HDAC9: variants seen among roughly 807,000 people sequenced by gnomAD.
HDAC9 encodes histone deacetylase 9, also known as MEF-2 interacting transcription repressor (MITR) protein.
A neutral mutation model predicts 139.4 loss-of-function variants in HDAC9; 41 were observed. The ratio of observed to expected loss-of-function variants is 0.29; its 90% CI spans 0.23 to 0.38. HDAC9 has a LOEUF of 0.38. Among genes scored for constraint, HDAC9 ranks in the 10% least tolerant of loss-of-function variants. The pLI, the probability that HDAC9 is intolerant of heterozygous loss-of-function variation, is 1.00. For missense variants in HDAC9, 1,147 were observed against 1,297.0 expected, an observed-to-expected ratio of 0.88 and a Z score of 1.78; for synonymous variants, 517 against 476.2, an observed-to-expected ratio of 1.09 and a Z score of -1.12.
chr7:18,323,253 C>G (rs1343816916), intron 1 of HDAC9, among the ~76,000 whole-genome samples: 2 of 152,152 alleles, frequency 1.3e-5, no homozygotes, highest in Non-Finnish European at 2.9e-5. Context: ...GAAAATATAT[C>G]TAGACCCACG....
At chr7:18,384,204 G>T (rs572815101) in intron 1 of HDAC9, among the ~76,000 whole-genome samples, 1 of 152,150 alleles carries the variant, frequency 6.6e-6, no homozygotes, top group East Asian at 1.9e-4. Flanking sequence ...CCAGGTACTT[G>T]GGAGGCTGAG....
chr7:18,560,535 T>C (rs951532036), intron 2 of HDAC9, among the ~76,000 whole-genome samples: 54 of 152,142 alleles, frequency 3.5e-4, no homozygotes, highest in Admixed American at 3.5e-3. Flanking sequence ...GTGTAAAGTG[T>C]GCCTGTTGTG....
chr7:18,597,276 G>A (rs535868122), intron 6 of HDAC9, among the ~76,000 whole-genome samples: 1 of 152,166 alleles, frequency 6.6e-6, no homozygotes, highest in South Asian at 2.1e-4. Flanking sequence ...ATTTTGAAGT[G>A]GAAAATAACA....
intron 2 of HDAC9, among the ~76,000 whole-genome samples, chr7:18,177,959 C>G (rs944795343): frequency 6.7e-5 from 10 of 148,790 alleles, no homozygotes; most frequent in African/African-American, 2.6e-4. Flanking sequence ...TGTCATGAAT[C>G]ATATCCCTTT....
At chr7:18,535,722 C>CAAAAAAAA (rs72123660) in intron 2 of HDAC9, among the ~76,000 whole-genome samples, 2 of 49,232 alleles carry the variant, frequency 4.1e-5, no homozygotes, top group Non-Finnish European at 3.5e-5. Context: ...AGGCATTAAG[C>CAAAAAAAA]AAAAAAAAAA....
At position 18,590,480 on chromosome 7, in the gene HDAC9, C is replaced by T; in HGVS notation, c.409C>T (p.Arg137Ter). Residue 137 changes from arginine to a stop codon, truncating the protein, a stop_gained, in exon 4 of 26, where the codon CGA becomes TGA. Coordinates refer to ENST00000686413, the MANE Select transcript of HDAC9 (RefSeq NM_178425.4). LOFTEE classifies it high-confidence loss of function. ...TCCTCTCAGAGGCAAAGATAGAGGA[C>T]GAGAAAGTAAGAGGCACCAGGGTAA... ...LPPLRGKDRG[R>*]ERAVASTEVK... 2 of 1,595,266 alleles carry T rather than the reference C, an allele frequency of 1.3e-6. No homozygotes were observed. Among genetic ancestry groups the T allele is most frequent in the Admixed American group, 1.8e-5 (1 of 57,126 alleles).
intron 24 of HDAC9, among the ~76,000 whole-genome samples, chr7:18,971,208 A>G (rs761037596): frequency 5.9e-5 from 9 of 152,336 alleles, no homozygotes; most frequent in Admixed American, 1.3e-4. Context: ...AAAACACAGA[A>G]TGGTGAAGGC....
chr7:18,865,412 G>A (rs1282704110), intron 21 of HDAC9, among the ~76,000 whole-genome samples: 4 of 152,220 alleles, frequency 2.6e-5, no homozygotes, highest in African/African-American at 9.6e-5. Context: ...GGGGCAATGT[G>A]TGTGTGTTGG....
At chr7:18,280,731 C>T (rs1486868058) in intron 2 of HDAC9, among the ~76,000 whole-genome samples, 2 of 151,000 alleles carry the variant, frequency 1.3e-5, no homozygotes, top group Non-Finnish European at 2.9e-5. Flanking sequence ...CCACTGTATT[C>T]CAGCCTGGGT....
intron 1 of HDAC9, among the ~76,000 whole-genome samples, chr7:18,333,263 G>A (rs914602861): frequency 6.6e-6 from 1 of 151,530 alleles, no homozygotes; most frequent in African/African-American, 2.4e-5. Flanking sequence ...AAGTTGGAGA[G>A]AGGAAATGGG....
Position 18,181,864 on chromosome 7 carries a change from C to G in HDAC9, c.25+19515C>G, listed in dbSNP as rs576910000. ...AAATACAAGGGTACTGATACAAATG[C>G]AAGTCAAAATACTGTAAGTTTTCTC... On this transcript the variant is annotated intron_variant, in intron 2 of 12. Coordinates refer to the HDAC9 transcript ENST00000417496. Among the ~76,000 whole-genome samples, 3 of 152,204 alleles carry G rather than the reference C, an allele frequency of 2.0e-5. No individual in the cohort carries two copies. In the East Asian group the frequency reaches 5.8e-4, roughly 29 times the overall value.
chr7:18,473,725 A>G (rs1315490793), intron 1 of HDAC9, among the ~76,000 whole-genome samples: 1 of 152,234 alleles, frequency 6.6e-6, no homozygotes, highest in Non-Finnish European at 1.5e-5. Context: ...AAATAGTAAT[A>G]CAGCTCACCT....
At chr7:18,413,482 C>G (rs1036082693) in intron 1 of HDAC9, among the ~76,000 whole-genome samples, 5 of 152,072 alleles carry the variant, frequency 3.3e-5, no homozygotes, top group African/African-American at 1.2e-4. Flanking sequence ...TAAAGATACA[C>G]AAGACTTAAG....
chr7:18,797,426 A>G (rs749659310), intron 17 of HDAC9, among the ~76,000 whole-genome samples: 1 of 152,122 alleles, frequency 6.6e-6, no homozygotes, highest in Non-Finnish European at 1.5e-5. Flanking sequence ...ATACCCACGA[A>G]CTCCTCATCC....
intron 2 of HDAC9, among the ~76,000 whole-genome samples, chr7:18,217,221 A>G (rs1562759289): frequency 2.6e-5 from 4 of 152,054 alleles, no homozygotes; most frequent in Admixed American, 6.5e-5. Context: ...TATACATAAT[A>G]TTCTTTATAA....
intron 21 of HDAC9, among the ~76,000 whole-genome samples, chr7:18,857,357 GTGTGTGTA>G (rs965064161): frequency 3.3e-5 from 5 of 151,728 alleles, no homozygotes; most frequent in South Asian, 2.1e-4. Context: ...GTGTGTGTGT[GTGTGTGTA>G]TGTATGTATG....
intron 2 of HDAC9, among the ~76,000 whole-genome samples, chr7:18,565,557 A>T (rs1822031939): frequency 6.6e-6 from 1 of 152,300 alleles, no homozygotes; most frequent in East Asian, 1.9e-4. Context: ...TTGAAGCCAA[A>T]TTAGAGAGGG....
At chr7:18,136,707 C>T (rs957066469) in intron 1 of HDAC9, among the ~76,000 whole-genome samples, 2 of 151,332 alleles carry the variant, frequency 1.3e-5, no homozygotes, top group Non-Finnish European at 3.0e-5. Context: ...GTTACTGTAG[C>T]CTTGTAGTAT....
At chr7:18,913,587 G>C (rs1355337515) in intron 22 of HDAC9, among the ~76,000 whole-genome samples, 1 of 151,992 alleles carries the variant, frequency 6.6e-6, no homozygotes, top group East Asian at 1.9e-4. Flanking sequence ...ATAAGAGGAC[G>C]CTTATAGCAG....
Sources: gnomAD v4.1 joint callset for allele counts (sites outside exome capture counted in the v4.1 genomes callset) on GRCh38, gnomAD v4.1.1 for gene constraint, MANE v1.5 for transcripts, NCBI Gene and HGNC (gene_info 2026-07-23, HGNC 2026-07-21) for gene names.